The following ELAVL2 variants were observed in gnomAD, a reference collection of about 807,000 sequenced individuals.
The protein encoded by ELAVL2 is ELAV like RNA binding protein 2, also known as ELAV-like protein 2.
A neutral mutation model predicts 34.6 loss-of-function variants in ELAVL2; 4 were observed. The ratio of observed to expected loss-of-function variants is 0.12; its 90% CI spans 0.06 to 0.26. The LOEUF (loss-of-function observed/expected upper bound fraction) is 0.26. Ranked by LOEUF, ELAVL2 falls within the 10% of genes least tolerant of loss-of-function variation. ELAVL2 has a pLI of 1.00. For missense variants in ELAVL2, 432 were observed against 442.8 expected, an observed-to-expected ratio of 0.98 and a Z score of 0.22; for synonymous variants, 193 against 154.8, an observed-to-expected ratio of 1.25 and a Z score of -1.83.
chr9:23,825,288 T>C (rs2065229557), intron 1 of ELAVL2, among the ~76,000 whole-genome samples: 1 of 149,262 alleles, frequency 6.7e-6, no homozygotes, highest in African/African-American at 2.4e-5. Context: ...CGCTGCCTGG[T>C]GCAGCATCTA....
At chr9:23,794,127 T>C (rs2060635455) in intron 1 of ELAVL2, among the ~76,000 whole-genome samples, 1 of 152,202 alleles carries the variant, frequency 6.6e-6, no homozygotes, top group Non-Finnish European at 1.5e-5. Flanking sequence ...CCAGAGATAC[T>C]CCAATGTCAC....
intron 4 of ELAVL2, among the ~76,000 whole-genome samples, chr9:23,702,971 A>AAAAC (rs2037920750): frequency 5.5e-5 from 8 of 146,602 alleles, no homozygotes; most frequent in Non-Finnish European, 1.2e-4. Context: ...AAAAAAAAAA[A>AAAAC]AAAAAAAAAA....
chr9:23,695,806 T>A (rs1481869317), intron 5 of ELAVL2, among the ~76,000 whole-genome samples: 1 of 152,214 alleles, frequency 6.6e-6, no homozygotes, highest in African/African-American at 2.4e-5. Context: ...AGGAATTTTT[T>A]GCAGTCTACT....
At chr9:23,828,990 T>A (rs911381687), upstream of ELAVL2, among the ~76,000 whole-genome samples, 1 of 152,212 alleles carries the variant, frequency 6.6e-6, no homozygotes, top group Non-Finnish European at 1.5e-5. Flanking sequence ...AACATCTCAC[T>A]TAAGAATAAG....
chr9:23,753,406 T>C (rs1254045007), intron 2 of ELAVL2, among the ~76,000 whole-genome samples: 2 of 151,988 alleles, frequency 1.3e-5, no homozygotes, highest in East Asian at 1.9e-4. Context: ...CTTCGGTCTA[T>C]TCTGAATTTA....
intron 1 of ELAVL2, among the ~76,000 whole-genome samples, chr9:23,786,802 A>AAAAAAAAAAAAAAAAAAAAC (rs1554747169): frequency 1.2e-4 from 15 of 127,330 alleles, no homozygotes; most frequent in South Asian, 2.5e-4. Flanking sequence ...AAAAAAAAAA[A>AAAAAAAAAAAAAAAAAAAAC]AGAGAGAGAG....
chr9:23,747,152 T>C (rs2050706227), intron 2 of ELAVL2, among the ~76,000 whole-genome samples: 2 of 149,516 alleles, frequency 1.3e-5, no homozygotes. Flanking sequence ...TCCAACATAA[T>C]ATACACTACT....
intron 1 of ELAVL2, chr9:23,779,219 G>GTTCCTCT: frequency 1.0e-6 from 1 of 985,388 alleles, no homozygotes; most frequent in Non-Finnish European, 1.2e-6. Context: ...GAACTGAAGG[G>GTTCCTCT]TAAATAAGAG....
At chr9:23,692,975 A>C in intron 6 of ELAVL2, 91 bp from the exon 7 acceptor site, 1 of 1,216,426 alleles carries the variant, frequency 8.2e-7, no homozygotes, top group South Asian at 1.5e-5. Context: ...TTCCATCCCC[A>C]AGAATTTTAG....
chr9:23,765,173 T>C, intron 1 of ELAVL2: 1 of 1,379,960 alleles, frequency 7.2e-7, no homozygotes, highest in Non-Finnish European at 9.9e-7. Context: ...GTACAAAATT[T>C]ACAGTGATTG....
the ELAVL2 span, among the ~76,000 whole-genome samples, chr9:23,833,745 CA>C: frequency 6.6e-6 from 1 of 151,776 alleles, no homozygotes; most frequent in African/African-American, 2.4e-5. Flanking sequence ...AAATGATTTT[CA>C]ATTATTAATC....
At position 23,818,724 on chromosome 9, in the gene ELAVL2, G is replaced by C. The variant is rs183690772; in HGVS notation, c.-16+7082C>G. Among the ~76,000 whole-genome samples, 298 of 152,310 alleles carry C rather than the reference G, an allele frequency of 2.0e-3. 1 individual carries two copies. Among genetic ancestry groups the C allele is most frequent in the Non-Finnish European group, 6.9e-4 (47 of 68,038 alleles). The stretch of plus-strand genomic sequence containing the variant: ...GTGATAAAAGTGGCAATAAGAATGT[G>C]ACGATGTGATAGATTTAATAAGACA... On this transcript the variant is annotated intron_variant, in intron 1 of 6. Transcript: ENST00000397312.
chr9:23,756,011 T>C (rs548909519), intron 2 of ELAVL2, among the ~76,000 whole-genome samples: 1 of 152,306 alleles, frequency 6.6e-6, no homozygotes, highest in Admixed American at 6.5e-5. Context: ...TGCTATTAAA[T>C]TTGAAGGTTC....
chr9:23,761,756 G>C (rs180904090), intron 2 of ELAVL2, among the ~76,000 whole-genome samples: 1 of 151,906 alleles, frequency 6.6e-6, no homozygotes, highest in African/African-American at 2.4e-5. Context: ...ACTTTTAGAA[G>C]ATTTTCCAAA....
chr9:23,784,877 G>A (rs538190294), intron 1 of ELAVL2, among the ~76,000 whole-genome samples: 1 of 152,288 alleles, frequency 6.6e-6, no homozygotes, highest in East Asian at 1.9e-4. Flanking sequence ...GTAGACTTGG[G>A]CCTAAATGCC....
chr9:23,830,456 A>G (rs936706746), upstream of ELAVL2, among the ~76,000 whole-genome samples: 2 of 152,102 alleles, frequency 1.3e-5, no homozygotes, highest in Admixed American at 6.5e-5. Flanking sequence ...CACTCAAGGA[A>G]TATTCCCCCC....
chr9:23,751,381 A>C (rs1041169454), intron 2 of ELAVL2, among the ~76,000 whole-genome samples: 2 of 152,206 alleles, frequency 1.3e-5, no homozygotes, highest in Admixed American at 1.3e-4. Context: ...TCCCCCATAC[A>C]CACAAACTGA....
chr9:23,819,283 T>C (rs1310710842), intron 1 of ELAVL2, among the ~76,000 whole-genome samples: 1 of 152,100 alleles, frequency 6.6e-6, no homozygotes, highest in African/African-American at 2.4e-5. Context: ...CCACTGAAAC[T>C]GGGACAGAAA....
intron 1 of ELAVL2, among the ~76,000 whole-genome samples, chr9:23,807,944 T>G (rs552890587): frequency 2.6e-5 from 4 of 152,152 alleles, no homozygotes; most frequent in Admixed American, 6.6e-5. Context: ...AGAGTAAAAG[T>G]TGCCAAATTA....
Sources: gnomAD v4.1 joint callset for allele counts (sites outside exome capture counted in the v4.1 genomes callset) on GRCh38, gnomAD v4.1.1 for gene constraint, MANE v1.5 for transcripts, NCBI Gene and HGNC (gene_info 2026-07-23, HGNC 2026-07-21) for gene names.